The following BTBD9 variants were observed in gnomAD, a reference collection of about 807,000 sequenced individuals.
BTBD9 encodes the protein BTB/POZ domain-containing protein 9.
BTBD9 carries 49 observed loss-of-function variants against 64.3 expected under a neutral mutation model. That is an observed-to-expected ratio of 0.76 (90% CI 0.61 to 0.97). The LOEUF (loss-of-function observed/expected upper bound fraction) is 0.97. Ranked by LOEUF, BTBD9 falls within the 50% of genes least tolerant of loss-of-function variation. The pLI, the probability that BTBD9 is intolerant of heterozygous loss-of-function variation, is 0.00. For missense variants in BTBD9, 598 were observed against 762.1 expected, an observed-to-expected ratio of 0.78 and a Z score of 2.53; for synonymous variants, 260 against 274.7, an observed-to-expected ratio of 0.95 and a Z score of 0.53.
At chr6:38,251,295 C>T (rs1453681696) in intron 9 of BTBD9, among the ~76,000 whole-genome samples, 3 of 146,230 alleles carry the variant, frequency 2.1e-5, no homozygotes, top group East Asian at 2.1e-4. Context: ...GATGGGCTTG[C>T]GCTCTGTCGC....
At chr6:38,387,685 A>T (rs996780634) in intron 6 of BTBD9, among the ~76,000 whole-genome samples, 14 of 152,200 alleles carry the variant, frequency 9.2e-5, no homozygotes, top group African/African-American at 3.4e-4. Context: ...ACAAAATATA[A>T]CATATGGATC....
intron 9 of BTBD9, among the ~76,000 whole-genome samples, chr6:38,201,428 T>C (rs1276775230): frequency 6.6e-6 from 1 of 152,190 alleles, no homozygotes; most frequent in East Asian, 1.9e-4. Context: ...AAACTAGCCA[T>C]ATAAGGATAT....
chr6:38,411,010 A>T (rs1222834783), intron 6 of BTBD9, among the ~76,000 whole-genome samples: 1 of 152,026 alleles, frequency 6.6e-6, no homozygotes, highest in African/African-American at 2.4e-5. Flanking sequence ...AGGTAGTTCT[A>T]CTTGAATATC....
intron 10 of BTBD9, among the ~76,000 whole-genome samples, chr6:38,189,109 C>T: frequency 6.6e-6 from 1 of 152,188 alleles, no homozygotes; most frequent in East Asian, 1.9e-4. Flanking sequence ...AGAGAGGTAC[C>T]CTGACCCCTG....
In BTBD9 at chr6:38,256,408, C is replaced by T. The variant is rs1346121599; in HGVS notation, c.1562+1G>A. 1 of 1,606,178 alleles carries T rather than the reference C, an allele frequency of 6.2e-7. No individual in the cohort carries two copies. The highest frequency in any genetic ancestry group is 1.7e-5 in the Admixed American group (1 of 59,974). On this transcript the variant is annotated splice_donor_variant, in intron 9 of 10. Coordinates refer to ENST00000481247, the MANE Select transcript of BTBD9 (RefSeq NM_001099272.2). LOFTEE classifies it high-confidence loss of function. ...TAAATTCCTGAAAAGACACAACTTA[C>T]TTGCAGGAGACTTTAGTTCTGTCAG... is the stretch of plus-strand genomic sequence containing the variant.
chr6:38,333,902 G>A (rs1763778327), intron 7 of BTBD9, among the ~76,000 whole-genome samples: 2 of 152,134 alleles, frequency 1.3e-5, no homozygotes, highest in Admixed American at 1.3e-4. Flanking sequence ...AACTGGAACA[G>A]CCTGGAGGGC....
chr6:38,245,412 A>C (rs1263794148), intron 9 of BTBD9, among the ~76,000 whole-genome samples: 1 of 152,208 alleles, frequency 6.6e-6, no homozygotes, highest in Non-Finnish European at 1.5e-5. Context: ...GGTGGGCTCC[A>C]GACAGAGACC....
chr6:38,336,750 T>C (rs750762463), intron 7 of BTBD9, among the ~76,000 whole-genome samples: 2 of 152,202 alleles, frequency 1.3e-5, no homozygotes, highest in Non-Finnish European at 2.9e-5. Context: ...TAGTGCCCCC[T>C]GTTCAGTGTT....
intron 6 of BTBD9, among the ~76,000 whole-genome samples, chr6:38,447,480 C>T (rs1164097570): frequency 6.6e-6 from 1 of 152,164 alleles, no homozygotes; most frequent in Non-Finnish European, 1.5e-5. Context: ...CACTGACATC[C>T]TTATTCTAGA....
chr6:38,333,491 C>T (rs1320268258), intron 7 of BTBD9, among the ~76,000 whole-genome samples: 2 of 152,128 alleles, frequency 1.3e-5, no homozygotes, highest in African/African-American at 2.4e-5. Context: ...GTGTTGGAGG[C>T]GGGGCCTGGT....
chr6:38,631,347 G>A (rs1778355363), intron 1 of BTBD9, among the ~76,000 whole-genome samples: 1 of 152,180 alleles, frequency 6.6e-6, no homozygotes, highest in South Asian at 2.1e-4. Context: ...AAGGATTGAT[G>A]GTTGTTTGGA....
chr6:38,192,681 G>T, intron 9 of BTBD9, 84 bp from the exon 10 acceptor site: 1 of 1,243,892 alleles, frequency 8.0e-7, no homozygotes, highest in Non-Finnish European at 1.2e-6. Context: ...TGTCCACTGA[G>T]GAGGGAGGGC....
intron 6 of BTBD9, among the ~76,000 whole-genome samples, chr6:38,456,102 G>A (rs548276933): frequency 2.6e-5 from 4 of 151,922 alleles, no homozygotes; most frequent in South Asian, 2.1e-4. Context: ...ATTCTTCTGC[G>A]TCAGCCTCCT....
intron 9 of BTBD9, among the ~76,000 whole-genome samples, chr6:38,209,274 C>T (rs185009358): frequency 2.6e-5 from 4 of 152,218 alleles, no homozygotes; most frequent in East Asian, 3.9e-4. Context: ...AGATAGAGCT[C>T]GGTGTTAAAA....
At chr6:38,637,085 C>A (rs1778552605) in intron 1 of BTBD9, among the ~76,000 whole-genome samples, 1 of 152,172 alleles carries the variant, frequency 6.6e-6, no homozygotes, top group African/African-American at 2.4e-5. Context: ...TAAGCTCCAT[C>A]CCCTTCTTCT....
intron 1 of BTBD9, among the ~76,000 whole-genome samples, chr6:38,630,288 C>A (rs1455100573): frequency 6.7e-6 from 1 of 149,012 alleles, no homozygotes; most frequent in East Asian, 2.0e-4. Context: ...TCACTTTGTT[C>A]TTGTGTGTTG....
intron 6 of BTBD9, among the ~76,000 whole-genome samples, chr6:38,351,504 GTTGTTTTTT>G (rs1764508099): frequency 2.1e-5 from 2 of 96,688 alleles, no homozygotes; most frequent in African/African-American, 3.7e-5. Flanking sequence ...TTTAATTGTT[GTTGTTTTTT>G]TTTTTTTTTT....
At chr6:38,181,302 T>C (rs1233948264) in intron 10 of BTBD9, among the ~76,000 whole-genome samples, 2 of 152,218 alleles carry the variant, frequency 1.3e-5, no homozygotes, top group Non-Finnish European at 2.9e-5. Context: ...CCAATACAAA[T>C]AGGATTTCTG....
At chr6:38,564,845 T>C (rs574830283) in intron 6 of BTBD9, among the ~76,000 whole-genome samples, 8 of 152,072 alleles carry the variant, frequency 5.3e-5, no homozygotes, top group Non-Finnish European at 1.2e-4. Flanking sequence ...TGAGCCGAGA[T>C]TGCACTGCTG....
Sources: allele counts gnomAD v4.1 joint callset (sites outside exome capture counted in the v4.1 genomes callset), GRCh38; gene constraint gnomAD v4.1.1; transcripts MANE v1.5; gene names NCBI Gene and HGNC (gene_info 2026-07-23, HGNC 2026-07-21).